Variants in DNAH14 observed in about 807,000 individuals in gnomAD.
DNAH14 encodes the protein axonemal beta dynein heavy chain 14.
Under a neutral mutation model 520.9 loss-of-function variants are expected in DNAH14, and 478 were observed. The ratio of observed to expected loss-of-function variants is 0.92; its 90% CI spans 0.85 to 0.99. DNAH14 has a LOEUF of 0.99. DNAH14 is among the 50% of genes least tolerant of loss of function. DNAH14 has a pLI of 0.00. For synonymous variants in DNAH14, 1,581 were observed against 1,757.2 expected, an observed-to-expected ratio of 0.90 and a Z score of 2.51; for missense variants, 4,831 against 5,234.5, an observed-to-expected ratio of 0.92 and a Z score of 2.38.
In DNAH14 at chr1:225,109,742, T is replaced by C. The variant is rs530230720; in HGVS notation, c.3868-7942T>C. ...TCCAGCTAGGACTTCCAGTGTTACATTGAATAACAGTGGGGAAACTGGGCA... is the reference window on the plus strand; with the variant it reads ...TCCAGCTAGGACTTCCAGTGTTACACTGAATAACAGTGGGGAAACTGGGCA... On this transcript the variant is annotated intron_variant, in intron 23 of 85. Coordinates refer to ENST00000682510, the MANE Select transcript of DNAH14 (RefSeq NM_001367479.1). Among the ~76,000 whole-genome samples the C allele has an allele frequency of 3.0e-3, 463 of 152,238 alleles. 3 individuals carry two copies. Among genetic ancestry groups the C allele is most frequent in the African/African-American group, 0.011 (440 of 41,558 alleles).
intron 77 of DNAH14, among the ~76,000 whole-genome samples, chr1:225,368,947 G>A (rs762359368): frequency 6.6e-6 from 1 of 152,058 alleles, no homozygotes; most frequent in African/African-American, 2.4e-5. Flanking sequence ...GCTCAAGTAC[G>A]CTTCTGTCAA....
chr1:225,178,637 A>G (rs2083610332), intron 36 of DNAH14, among the ~76,000 whole-genome samples: 1 of 152,218 alleles, frequency 6.6e-6, no homozygotes, highest in Admixed American at 6.5e-5. Context: ...ACAAGCCCAT[A>G]GGCAGATGAG....
chr1:225,225,067 T>C (rs1356118652), intron 41 of DNAH14, among the ~76,000 whole-genome samples: 2 of 152,188 alleles, frequency 1.3e-5, no homozygotes, highest in Non-Finnish European at 1.5e-5. Flanking sequence ...CATCACTGCT[T>C]GACCAAACCA....
intron 37 of DNAH14, among the ~76,000 whole-genome samples, chr1:225,186,036 A>G (rs1362235952): frequency 6.8e-6 from 1 of 147,408 alleles, no homozygotes; most frequent in Admixed American, 6.9e-5. Context: ...GTAATAAACT[A>G]TGTTGATTTA....
rs1573235827 is a variant in DNAH14, at chr1:225,117,890, G to A, written c.3982G>A (p.Val1328Met). The A allele has an allele frequency of 5.8e-6, 9 of 1,547,380 alleles. No individual in the cohort carries two copies. The highest frequency in any genetic ancestry group is 4.9e-5 in the East Asian group (2 of 40,852). Residue 1328 changes from valine (V) to methionine (M), a missense_variant, in exon 25 of 86, where the codon GTG (valine) becomes ATG (methionine). Val to Met is a conservative substitution (Grantham distance 21). Coordinates refer to ENST00000682510, the MANE Select transcript of DNAH14 (RefSeq NM_001367479.1). Reference protein sequence around the residue: ...RNPESVQPHLVKCFENIKQLL... With the variant: ...RNPESVQPHLMKCFENIKQLL... ...TGTTTCTGGTTCACAGCCTCATCTT[G>A]TGAAATGCTTTGAAAATATAAAACA...
At chr1:225,123,330 CAAAAAG>C (rs1409610840) in intron 26 of DNAH14, among the ~76,000 whole-genome samples, 191 bp from the exon 27 acceptor site, 1 of 152,096 alleles carries the variant, frequency 6.6e-6, no homozygotes, top group Non-Finnish European at 1.5e-5. Flanking sequence ...CAGATAATCT[CAAAAAG>C]GAATTTAAGG....
chr1:225,265,938 A>G (rs1435684015), intron 48 of DNAH14, among the ~76,000 whole-genome samples: 1 of 150,404 alleles, frequency 6.6e-6, no homozygotes, highest in Non-Finnish European at 1.5e-5. Flanking sequence ...ATATATATAT[A>G]TTGACAGTTA....
At chr1:225,361,033 T>G in intron 75 of DNAH14, 142 bp downstream of exon 75, 1 of 777,772 alleles carries the variant, frequency 1.3e-6, no homozygotes, top group Non-Finnish European at 2.0e-6. Flanking sequence ...ACCTATCTTA[T>G]ATTGGTTTTC....
intron 27 of DNAH14, among the ~76,000 whole-genome samples, chr1:225,129,588 A>G (rs1334735521): frequency 2.6e-5 from 4 of 152,334 alleles, no homozygotes; most frequent in Middle Eastern, 3.4e-3. Flanking sequence ...TATTTAATAA[A>G]TGGTGCTGGG....
intron 27 of DNAH14, among the ~76,000 whole-genome samples, chr1:225,132,946 G>A (rs1447007319): frequency 6.6e-6 from 1 of 151,976 alleles, no homozygotes; most frequent in African/African-American, 2.4e-5. Context: ...TCTCATTGTA[G>A]TTTTGATTTG....
chr1:225,003,391 A>G (rs1204662788), intron 9 of DNAH14, among the ~76,000 whole-genome samples: 1 of 152,106 alleles, frequency 6.6e-6, no homozygotes, highest in African/African-American at 2.4e-5. Flanking sequence ...TTAAGTACCT[A>G]GAACTAATTA....
At chr1:225,378,905 A>T (rs2095742691) in intron 79 of DNAH14, among the ~76,000 whole-genome samples, 1 of 151,680 alleles carries the variant, frequency 6.6e-6, no homozygotes, top group Admixed American at 6.6e-5. Context: ...AAAGAAAAAG[A>T]AAAATCAGTC....
At chr1:225,351,611 T>A in intron 71 of DNAH14, 36 bp from the exon 72 acceptor site, 1 of 1,440,032 alleles carries the variant, frequency 6.9e-7, no homozygotes, top group South Asian at 1.4e-5. Context: ...TAAAGGTTTA[T>A]CTCTTCTAAT....
chr1:225,365,415 C>T (rs187595351), intron 76 of DNAH14, among the ~76,000 whole-genome samples: 22 of 152,182 alleles, frequency 1.4e-4, no homozygotes, highest in Admixed American at 8.5e-4. Flanking sequence ...GAAAACTGAC[C>T]GATGGCATAG....
chr1:225,087,954 A>C (rs1479831965), intron 21 of DNAH14, among the ~76,000 whole-genome samples: 7 of 152,142 alleles, frequency 4.6e-5, no homozygotes, highest in Non-Finnish European at 4.4e-5. Flanking sequence ...ATTCATAAGC[A>C]CTCAGAGTCT....
In DNAH14 at chr1:225,335,377, G is replaced by GCGCACA. The variant is rs1558428069; in HGVS notation, c.10080+1871_10080+1872insCGCACA. ...TGCATATACACGTGTACATGTGTGT[G>GCGCACA]TATATGCACATATACACATGTGTAC... is the stretch of plus-strand genomic sequence containing the variant. On this transcript the variant is annotated intron_variant, in intron 66 of 85. Coordinates refer to ENST00000682510, the MANE Select transcript of DNAH14 (RefSeq NM_001367479.1). Among the ~76,000 whole-genome samples, 26 of 72,426 alleles carry GCGCACA rather than the reference G, an allele frequency of 3.6e-4. 4 individuals are homozygous for GCGCACA. Among genetic ancestry groups the GCGCACA allele is most frequent in the African/African-American group, 2.2e-3 (26 of 11,930 alleles). The allele number at this position is 72,426 out of a possible 152,430, so 47.5% of individuals were successfully genotyped here.
intron 25 of DNAH14, 130 bp from the exon 26 acceptor site, chr1:225,119,090 G>A (rs2077097285): frequency 1.9e-6 from 1 of 524,460 alleles, no homozygotes; most frequent in Non-Finnish European, 3.1e-6. Flanking sequence ...AAACCAAAAG[G>A]CAGTAGTAGT....
intron 66 of DNAH14, among the ~76,000 whole-genome samples, chr1:225,335,868 TACACATATACATATATGTAC>T (rs201426961): frequency 0.18 from 13,724 of 77,958 alleles, 2,112 homozygotes; most frequent in African/African-American, 0.28. Flanking sequence ...TATATGTACA[TACACATATACATATATGTAC>T]ATATACATAC....
At chr1:225,151,178 A>G (rs1001720805) in intron 31 of DNAH14, among the ~76,000 whole-genome samples, 4 of 152,224 alleles carry the variant, frequency 2.6e-5, no homozygotes, top group African/African-American at 9.6e-5. Flanking sequence ...GGTAATTTTA[A>G]TACTCATATG....
Sources: gnomAD v4.1 joint callset for allele counts (sites outside exome capture counted in the v4.1 genomes callset) on GRCh38, gnomAD v4.1.1 for gene constraint, MANE v1.5 for transcripts, NCBI Gene and HGNC (gene_info 2026-07-23, HGNC 2026-07-21) for gene names.